Variants in ZMIZ1 observed in about 807,000 individuals in gnomAD.
The protein encoded by ZMIZ1 is zinc finger MIZ-type containing 1.
ZMIZ1 carries 17 observed loss-of-function variants against 113.9 expected under a neutral mutation model. The ratio of observed to expected loss-of-function variants is 0.15; its 90% CI spans 0.10 to 0.22. ZMIZ1 has a LOEUF of 0.22. Among genes scored for constraint, ZMIZ1 ranks in the 10% least tolerant of loss-of-function variants. The pLI is 1.00. For synonymous variants in ZMIZ1, 607 were observed against 603.1 expected, an observed-to-expected ratio of 1.01 and a Z score of -0.09; for missense variants, 1,059 against 1,477.8, an observed-to-expected ratio of 0.72 and a Z score of 4.65.
intron 4 of ZMIZ1, among the ~76,000 whole-genome samples, chr10:79,164,250 T>C (rs992745706): frequency 2.6e-5 from 4 of 152,212 alleles, no homozygotes; most frequent in Admixed American, 2.6e-4. Context: ...TGTATGGCTT[T>C]GAGAAGTTGC....
At chr10:79,175,880 C>T (rs1040867045) in intron 4 of ZMIZ1, among the ~76,000 whole-genome samples, 4 of 152,060 alleles carry the variant, frequency 2.6e-5, no homozygotes, top group African/African-American at 9.7e-5. Context: ...GCCTGGCCAT[C>T]ATCCAGCCTG....
chr10:79,139,727 GGT>G lies in ZMIZ1; in HGVS notation c.-177_-176del, dbSNP rs1845180154. ...TTGGCGTCGGACCAATGCTGCAAGG[GGT>G]GTGAGGAGAGGAGCCGCTGTTTTTC... On this transcript the variant is annotated 5_prime_UTR_variant, in exon 3 of 25. The change abolishes the stop of an existing upstream ORF in the 5' untranslated region. Transcript: ENST00000334512. 1 of 398,886 alleles carries G rather than the reference GGT, an allele frequency of 2.5e-6. No individual in the cohort carries two copies. Among genetic ancestry groups the G allele is most frequent in the Non-Finnish European group, 4.4e-6 (1 of 226,228 alleles). 24.7% of individuals were successfully genotyped at this position (398,886 alleles called of 1,614,324 possible).
At chr10:79,289,930 C>CG (rs1564586287) in intron 9 of ZMIZ1, 41 bp downstream of exon 9, 11 of 1,583,628 alleles carry the variant, frequency 6.9e-6, no homozygotes, top group Non-Finnish European at 9.5e-6. Flanking sequence ...TCTTTCTAGG[C>CG]GGGAGTGTCC....
chr10:79,294,123 C>T (rs192063893), intron 12 of ZMIZ1: 86 of 204,480 alleles, frequency 4.2e-4, no homozygotes, highest in African/African-American at 1.7e-3. Flanking sequence ...AGGCAGGCAG[C>T]GTGTTTCCAG....
intron 8 of ZMIZ1, among the ~76,000 whole-genome samples, chr10:79,278,976 C>T (rs1007852928): frequency 3.0e-4 from 45 of 152,348 alleles, no homozygotes; most frequent in East Asian, 1.5e-3. Context: ...AGGGTGGTGG[C>T]GGGGCAGAGG....
chr10:79,247,931 C>T (rs1369261357), intron 7 of ZMIZ1, among the ~76,000 whole-genome samples: 1 of 152,208 alleles, frequency 6.6e-6, no homozygotes, highest in East Asian at 1.9e-4. Context: ...CAAGTCACTT[C>T]CCCTCTGGGG....
chr10:79,280,558 C>G (rs1852664330), intron 8 of ZMIZ1, among the ~76,000 whole-genome samples: 1 of 143,400 alleles, frequency 7.0e-6, no homozygotes, highest in African/African-American at 2.5e-5. Context: ...TACAGGCATG[C>G]ACCACTACAC....
intron 6 of ZMIZ1, among the ~76,000 whole-genome samples, chr10:79,211,045 G>A (rs1042144774): frequency 6.6e-6 from 1 of 152,212 alleles, no homozygotes; most frequent in African/African-American, 2.4e-5. Flanking sequence ...GGCCACAGCT[G>A]CAGAGACCTG....
intron 4 of ZMIZ1, among the ~76,000 whole-genome samples, chr10:79,178,582 A>T (rs1846971192): frequency 6.6e-6 from 1 of 152,100 alleles, no homozygotes; most frequent in South Asian, 2.1e-4. Context: ...TGGCCCTGAG[A>T]CAGCTTTATG....
intron 1 of ZMIZ1, among the ~76,000 whole-genome samples, chr10:79,086,409 C>T (rs1193632309): frequency 1.3e-5 from 2 of 152,206 alleles, no homozygotes; most frequent in African/African-American, 4.8e-5. Context: ...CAAGTGAAAG[C>T]CCTCAGGTAT....
At chr10:79,293,733 G>T (rs1163472110) in intron 12 of ZMIZ1, 80 bp downstream of exon 12, 1 of 1,602,956 alleles carries the variant, frequency 6.2e-7, no homozygotes, top group African/African-American at 1.3e-5. Flanking sequence ...TACGGCTTTG[G>T]AAGGGGTGTG....
In ZMIZ1 at chr10:79,297,559, G is replaced by A. The variant is rs1226455958; in HGVS notation, c.1414-54G>A. 7 of 1,480,880 alleles carry A rather than the reference G, an allele frequency of 4.7e-6. No individual in the cohort carries two copies. The Admixed American group carries it at 6.7e-5, about 14-fold the overall frequency. The allele number at this position is 1,480,880 out of a possible 1,614,324, so 91.7% of individuals were successfully genotyped here. The stretch of plus-strand genomic sequence containing the variant: ...ATTTTACTGTCCAGAGGGAGAGCGG[G>A]CTTCTGATGGCTTTTCTGCCCCCCA... On this transcript the variant is annotated intron_variant, in intron 13 of 24. Transcript: ENST00000334512.
chr10:79,163,262 C>T (rs967192916), intron 4 of ZMIZ1, among the ~76,000 whole-genome samples: 5 of 152,354 alleles, frequency 3.3e-5, no homozygotes, highest in East Asian at 3.9e-4. Context: ...CAGGGCCAGG[C>T]GAGCCTCAGT....
chr10:79,120,265 G>GTGCACTTGCA (rs1252542390), intron 2 of ZMIZ1, among the ~76,000 whole-genome samples: 2 of 152,194 alleles, frequency 1.3e-5, no homozygotes, highest in African/African-American at 4.8e-5. Flanking sequence ...TAACACTTGC[G>GTGCACTTGCA]TGCACTTGCA....
intron 3 of ZMIZ1, among the ~76,000 whole-genome samples, chr10:79,159,142 T>A (rs1352868708): frequency 4.6e-5 from 7 of 152,214 alleles, no homozygotes; most frequent in Admixed American, 1.3e-4. Flanking sequence ...AGGCTCAGGC[T>A]GCACTCACTC....
At chr10:79,280,006 T>TC (rs1852613098) in intron 8 of ZMIZ1, among the ~76,000 whole-genome samples, 1 of 150,806 alleles carries the variant, frequency 6.6e-6, no homozygotes, top group Non-Finnish European at 1.5e-5. Flanking sequence ...TTTTTTTTTT[T>TC]TGGACAAGAT....
intron 1 of ZMIZ1, among the ~76,000 whole-genome samples, chr10:79,091,088 A>G (rs888958295): frequency 6.6e-5 from 10 of 152,180 alleles, no homozygotes; most frequent in Non-Finnish European, 1.3e-4. Flanking sequence ...TCAGTCTACC[A>G]AGAGACCTTC....
rs778216924 is a variant in ZMIZ1 at position 79,296,668 on chromosome 10, C to T, written c.1413+15C>T. 10 of 1,528,786 alleles carry T rather than the reference C, an allele frequency of 6.5e-6. No homozygotes were observed. Among genetic ancestry groups the T allele is most frequent in the Admixed American group, 2.1e-5 (1 of 48,542 alleles). The allele number at this position is 1,528,786 out of a possible 1,614,324, so 94.7% of individuals were successfully genotyped here. On this transcript the variant is annotated intron_variant, in intron 13 of 24. Coordinates refer to ENST00000334512, the MANE Select transcript of ZMIZ1 (RefSeq NM_020338.4). This position sits in a 1 kb window ranked among gnomAD's most constrained non-coding sequence, Gnocchi z 4.1. ...AGTATTACAAGGTGAGTCCCAGCCT[C>T]GCCACCACCCACGGGGCCCCTTCCC...
chr10:79,279,332 C>T (rs1252168376), intron 8 of ZMIZ1, among the ~76,000 whole-genome samples: 1 of 145,410 alleles, frequency 6.9e-6, no homozygotes, highest in Non-Finnish European at 1.5e-5. Context: ...GACGGGGTCG[C>T]GGCCGGGCAG....
Sources: allele counts gnomAD v4.1 joint callset (sites outside exome capture counted in the v4.1 genomes callset), GRCh38; gene constraint gnomAD v4.1.1; non-coding constraint Gnocchi (gnomAD v3.1); transcripts MANE v1.5; gene names NCBI Gene and HGNC (gene_info 2026-07-23, HGNC 2026-07-21).